Variants in PDCD6 observed in about 807,000 individuals in gnomAD.
PDCD6 encodes programmed cell death 6.
A neutral mutation model predicts 28.3 loss-of-function variants in PDCD6; 12 were observed. The observed-to-expected ratio is 0.42, with a 90% CI of 0.27 to 0.69. The LOEUF (loss-of-function observed/expected upper bound fraction) is 0.69, where lower values mean the gene tolerates loss of function less well. Among genes scored for constraint, PDCD6 ranks in the 30% least tolerant of loss-of-function variants. The pLI, the probability that PDCD6 is intolerant of heterozygous loss-of-function variation, is 0.22. For missense variants in PDCD6, 226 were observed against 269.9 expected (o/e 0.84, Z 1.14); for synonymous variants, 92 against 108.0 (o/e 0.85, Z 0.92).
chr5:274,370 A>G (rs191114619), intron 2 of PDCD6, among the ~76,000 whole-genome samples: 72 of 152,320 alleles, frequency 4.7e-4, no homozygotes, highest in African/African-American at 1.7e-3. Context: ...ACTGGACCGC[A>G]TTAGTATGGT....
rs1198079800 is a variant in PDCD6, at chr5:307,706, GGCTCCTTA to G, written c.367+948_367+955del. On this transcript the variant is annotated intron_variant, in intron 4 of 5. Coordinates refer to ENST00000264933, the MANE Select transcript of PDCD6 (RefSeq NM_013232.4). This position sits in a 1 kb window ranked among gnomAD's most constrained non-coding sequence, Gnocchi z 6.1. ...AGCCGCTTCCGTGATTTGCTTAAAAGGCTCCTTAGAAACAGTGAGGAAAATTCGATTCT... is the reference window on the plus strand; with the variant it reads ...AGCCGCTTCCGTGATTTGCTTAAAAGGAAACAGTGAGGAAAATTCGATTCT... Among the ~76,000 whole-genome samples the G allele has an allele frequency of 2.0e-5, 3 of 152,258 alleles. No homozygotes were observed. Among genetic ancestry groups the G allele is most frequent in the African/African-American group, 7.2e-5 (3 of 41,538 alleles).
At chr5:287,651 C>T (rs1237253514) in intron 2 of PDCD6, among the ~76,000 whole-genome samples, 1 of 152,074 alleles carries the variant, frequency 6.6e-6, no homozygotes, top group African/African-American at 2.4e-5. Flanking sequence ...AAAATAGACC[C>T]ATGCAAAGCT....
intron 2 of PDCD6, among the ~76,000 whole-genome samples, chr5:286,146 G>A (rs1738948436): frequency 6.8e-6 from 1 of 147,604 alleles, no homozygotes; most frequent in Non-Finnish European, 1.5e-5. Context: ...GACCCGGGGG[G>A]AGTTGATGTT....
In PDCD6 at chr5:271,789, G is replaced by C. The variant is rs1320317056; in HGVS notation, c.69G>C (p.Pro23=). 12 of 1,473,422 alleles carry C rather than the reference G, an allele frequency of 8.1e-6. No individual in the cohort carries two copies. The highest frequency in any genetic ancestry group is 5.0e-5 in the Admixed American group (2 of 40,120). The allele number at this position is 1,473,422 out of a possible 1,614,324, so 91.3% of individuals were successfully genotyped here. ...GGCCTGCTGCAGGCGCGGCGCTGCC[G>C]GACCAGAGCTTCCTGTGGAACGTTT... ...GPGPAAGAAL[P]DQSFLWNVFQ... The change falls in exon 1 of 6, where the codon CCG becomes CCC. Residue 23 remains proline (P), a synonymous_variant. Coordinates refer to ENST00000264933, the MANE Select transcript of PDCD6 (RefSeq NM_013232.4).
chr5:274,030 G>A (rs1738022319), intron 2 of PDCD6, among the ~76,000 whole-genome samples: 1 of 151,604 alleles, frequency 6.6e-6, no homozygotes. Flanking sequence ...CCGGAATCCA[G>A]TAGGCTACAA....
At chr5:298,656 A>C (rs1182091620) in intron 2 of PDCD6, among the ~76,000 whole-genome samples, 5 of 16,466 alleles carry the variant, frequency 3.0e-4, no homozygotes, top group Non-Finnish European at 4.6e-4. Flanking sequence ...AGCTGCTCCC[A>C]CTCAGCTGCT....
chr5:300,163 C>G (rs914329544), intron 2 of PDCD6, among the ~76,000 whole-genome samples: 14 of 152,216 alleles, frequency 9.2e-5, no homozygotes, highest in Non-Finnish European at 1.6e-4. Flanking sequence ...CTGCAGTGTT[C>G]TGACTGATGA....
At chr5:304,466 T>C (rs1467523899) in intron 3 of PDCD6, 1 of 281,436 alleles carries the variant, frequency 3.6e-6, no homozygotes, top group Admixed American at 5.3e-5. Context: ...CCTTTCAGTT[T>C]CTAATTCTAA....
chr5:306,935 A>G (rs1226611286), intron 4 of PDCD6, among the ~76,000 whole-genome samples, 175 bp downstream of exon 4: 1 of 152,244 alleles, frequency 6.6e-6, no homozygotes, highest in Non-Finnish European at 1.5e-5. Context: ...GATCCTCGAC[A>G]TGGATACGTT....
intron 5 of PDCD6, chr5:312,237 G>C (rs1004425701): frequency 9.8e-5 from 15 of 152,366 alleles, no homozygotes; most frequent in African/African-American, 3.1e-4. Context: ...AGACCCACGG[G>C]AGATGGAGAG....
At chr5:278,949 C>G (rs1738388608) in intron 2 of PDCD6, among the ~76,000 whole-genome samples, 1 of 151,854 alleles carries the variant, frequency 6.6e-6, no homozygotes, top group Admixed American at 6.6e-5. Flanking sequence ...TCTCCTGTCT[C>G]ACGGGGTGTG....
intron 2 of PDCD6, among the ~76,000 whole-genome samples, chr5:299,743 G>A (rs955001084): frequency 1.6e-4 from 24 of 152,044 alleles, no homozygotes; most frequent in African/African-American, 3.9e-4. Context: ...TAGAGATGGG[G>A]TTTCACCATA....
At chr5:282,388 T>A (rs1162774733) in intron 2 of PDCD6, among the ~76,000 whole-genome samples, 2 of 151,072 alleles carry the variant, frequency 1.3e-5, no homozygotes, top group Non-Finnish European at 2.9e-5. Flanking sequence ...GGAGCTGATG[T>A]TGTAGTTTGA....
At chr5:281,307 G>A (rs1317149198) in intron 2 of PDCD6, among the ~76,000 whole-genome samples, 3 of 152,264 alleles carry the variant, frequency 2.0e-5, no homozygotes, top group Admixed American at 6.5e-5. Flanking sequence ...AAGACCTGGA[G>A]AGGAGCTGGT....
At chr5:288,311 T>TACATAC (rs1554006400) in intron 2 of PDCD6, among the ~76,000 whole-genome samples, 6 of 144,964 alleles carry the variant, frequency 4.1e-5, no homozygotes, top group South Asian at 2.1e-4. Flanking sequence ...TATATATATA[T>TACATAC]ACACATATGT....
intron 2 of PDCD6, among the ~76,000 whole-genome samples, chr5:300,447 C>G (rs988437401): frequency 2.0e-5 from 3 of 152,212 alleles, no homozygotes; most frequent in Admixed American, 2.0e-4. Context: ...TGTACCCTTT[C>G]AAGTTGGAGG....
chr5:306,763 A>AACTC lies in PDCD6; in HGVS notation c.367+12_367+15dup, dbSNP rs1303868050. 11 of 1,613,326 alleles carry AACTC rather than the reference A, an allele frequency of 6.8e-6. No homozygotes were observed. Among genetic ancestry groups the AACTC allele is most frequent in the Non-Finnish European group, 9.3e-6 (11 of 1,179,564 alleles). ...GAAGCAGGCCCTCTCAGGTTTCGGTAACTCACTCACTCTGGCTTGTGTAGC... is the reference window on the plus strand; with the variant it reads ...GAAGCAGGCCCTCTCAGGTTTCGGTAACTCACTCACTCACTCTGGCTTGTGTAGC... On this transcript the variant is annotated splice_donor_region_variant and intron_variant, in intron 4 of 5. Transcript: ENST00000264933.
chr5:299,841 G>A (rs374619224), intron 2 of PDCD6, among the ~76,000 whole-genome samples: 85 of 150,130 alleles, frequency 5.7e-4, no homozygotes, highest in Middle Eastern at 3.4e-3. Context: ...CAGCCACCGC[G>A]CCCAGCTGGT....
chr5:311,587 C>T (rs940856306), intron 5 of PDCD6, 185 bp downstream of exon 5: 2 of 578,128 alleles, frequency 3.5e-6, no homozygotes, highest in South Asian at 4.2e-5. Context: ...ATGTTTTCCT[C>T]CCCTTGGAAA....
Sources: gnomAD v4.1 joint callset for allele counts (sites outside exome capture counted in the v4.1 genomes callset) on GRCh38, gnomAD v4.1.1 for gene constraint, Gnocchi (gnomAD v3.1) non-coding constraint, MANE v1.5 for transcripts, NCBI Gene and HGNC (gene_info 2026-07-23, HGNC 2026-07-21) for gene names.